The following WDR70 variants were observed in gnomAD, a reference collection of about 807,000 sequenced individuals.
The protein encoded by WDR70 is WD repeat domain 70, also known as WD repeat-containing protein 70.
A neutral mutation model predicts 88.6 loss-of-function variants in WDR70; 53 were observed. The observed-to-expected ratio is 0.60, with a 90% CI of 0.48 to 0.75. The LOEUF (loss-of-function observed/expected upper bound fraction) is 0.75. WDR70 is among the 30% of genes least tolerant of loss of function. WDR70 has a pLI of 0.00. For missense variants in WDR70, 610 were observed against 823.2 expected (o/e 0.74, Z 3.17); for synonymous variants, 280 against 270.0 (o/e 1.04, Z -0.36).
At chr5:37,604,663 T>C (rs1485102559) in intron 9 of WDR70, among the ~76,000 whole-genome samples, 2 of 152,242 alleles carry the variant, frequency 1.3e-5, no homozygotes, top group African/African-American at 4.8e-5. Context: ...TTCTGGTGTA[T>C]GTTAAAAACA....
intron 10 of WDR70, among the ~76,000 whole-genome samples, chr5:37,619,636 C>T (rs556962738): frequency 6.6e-6 from 1 of 152,192 alleles, no homozygotes; most frequent in Non-Finnish European, 1.5e-5. Context: ...TGTGTGCATT[C>T]TCTTTTAACC....
At chr5:37,714,850 A>G (rs1010056526) in intron 13 of WDR70, among the ~76,000 whole-genome samples, 3 of 152,214 alleles carry the variant, frequency 2.0e-5, no homozygotes, top group Admixed American at 1.3e-4. Context: ...GGGTTGGAGC[A>G]AACTTTTACT....
At chr5:37,516,072 T>C (rs934817619) in intron 8 of WDR70, among the ~76,000 whole-genome samples, 10 of 152,362 alleles carry the variant, frequency 6.6e-5, no homozygotes, top group South Asian at 2.1e-4. Flanking sequence ...TTAGGAAATA[T>C]GGATTTCCCT....
At chr5:37,622,251 G>T (rs1744528193) in intron 10 of WDR70, among the ~76,000 whole-genome samples, 1 of 152,056 alleles carries the variant, frequency 6.6e-6, no homozygotes, top group South Asian at 2.1e-4. Flanking sequence ...AACAGGTGCT[G>T]GAGAGGATGT....
At chr5:37,601,897 G>T (rs1743894095) in intron 9 of WDR70, among the ~76,000 whole-genome samples, 3 of 152,124 alleles carry the variant, frequency 2.0e-5, no homozygotes. Context: ...CCATAAAAAA[G>T]GATGAATTCA....
At chr5:37,715,274 C>T (rs1747621878) in intron 13 of WDR70, among the ~76,000 whole-genome samples, 1 of 151,100 alleles carries the variant, frequency 6.6e-6, no homozygotes, top group Non-Finnish European at 1.5e-5. Flanking sequence ...CCATTGCACT[C>T]CTATCTGGCC....
At chr5:37,393,135 C>T (rs1184146571) in intron 4 of WDR70, among the ~76,000 whole-genome samples, 2 of 152,102 alleles carry the variant, frequency 1.3e-5, no homozygotes, top group Non-Finnish European at 2.9e-5. Flanking sequence ...CTCCGCCTCC[C>T]GGGTTCAAGC....
intron 9 of WDR70, among the ~76,000 whole-genome samples, chr5:37,589,402 G>A (rs1326667544): frequency 1.3e-5 from 2 of 152,104 alleles, no homozygotes; most frequent in East Asian, 3.9e-4. Flanking sequence ...CAGCTTTTAA[G>A]TTGGTGAACA....
chr5:37,708,517 ATG>A (rs942474243), intron 13 of WDR70, among the ~76,000 whole-genome samples: 5 of 152,152 alleles, frequency 3.3e-5, no homozygotes, highest in African/African-American at 1.2e-4. Context: ...CTGGAAATGA[ATG>A]TGTTAGCACT....
chr5:37,726,446 G>A (rs1363437682), intron 16 of WDR70, among the ~76,000 whole-genome samples: 2 of 152,068 alleles, frequency 1.3e-5, no homozygotes, highest in Admixed American at 1.3e-4. Flanking sequence ...AGTATGTTTA[G>A]CTTATTTGTT....
intron 5 of WDR70, among the ~76,000 whole-genome samples, chr5:37,403,110 C>A (rs1318722590): frequency 6.6e-6 from 1 of 151,882 alleles, no homozygotes; most frequent in Non-Finnish European, 1.5e-5. Flanking sequence ...CCACGCCTGG[C>A]TAATTTTTTG....
intron 8 of WDR70, among the ~76,000 whole-genome samples, chr5:37,501,241 G>A (rs1303109761): frequency 6.6e-6 from 1 of 151,848 alleles, no homozygotes; most frequent in East Asian, 1.9e-4. Flanking sequence ...TTCTTTTGTT[G>A]TGCAGAAGCT....
chr5:37,418,351 G>A (rs1222105539), intron 5 of WDR70, among the ~76,000 whole-genome samples: 1 of 151,864 alleles, frequency 6.6e-6, no homozygotes, highest in Non-Finnish European at 1.5e-5. Context: ...ATGGAGTCTC[G>A]CTCTGTCGCC....
At chr5:37,497,287 T>TTCCCTTCCCTTC (rs1243902692) in intron 8 of WDR70, among the ~76,000 whole-genome samples, 2 of 143,612 alleles carry the variant, frequency 1.4e-5, no homozygotes, top group African/African-American at 2.6e-5. Flanking sequence ...TCCCTCCCTT[T>TTCCCTTCCCTTC]TCCCTTCCCT....
chr5:37,710,363 C>G (rs1215845384), intron 13 of WDR70, among the ~76,000 whole-genome samples: 1 of 151,908 alleles, frequency 6.6e-6, no homozygotes, highest in African/African-American at 2.4e-5. Flanking sequence ...ACACACACAC[C>G]CCCTCTTCCA....
intron 10 of WDR70, among the ~76,000 whole-genome samples, chr5:37,667,362 T>C (rs563887054): frequency 2.6e-5 from 4 of 152,222 alleles, no homozygotes; most frequent in Non-Finnish European, 5.9e-5. Flanking sequence ...AATTGGAAAA[T>C]GTATGTTTTA....
In WDR70 at chr5:37,724,701, A is replaced by G. The variant is rs535338929; in HGVS notation, c.1598-233A>G. ...GATGGGGAGCCTCACCGATGTTTCCATGACAATATTTGACAGTATTTCCTG... is the reference window on the plus strand; with the variant it reads ...GATGGGGAGCCTCACCGATGTTTCCGTGACAATATTTGACAGTATTTCCTG... On this transcript the variant is annotated intron_variant, in intron 15 of 17. Coordinates refer to ENST00000265107, the MANE Select transcript of WDR70 (RefSeq NM_018034.4). 4.6e-5 allele frequency: 21 copies of G among 461,286 alleles called. No individual in the cohort carries two copies. In the South Asian group the frequency reaches 5.5e-4, roughly 12 times the overall value. The allele number at this position is 461,286 out of a possible 1,614,324, so 28.6% of individuals were successfully genotyped here.
chr5:37,494,112 T>C (rs1281976779), intron 8 of WDR70, among the ~76,000 whole-genome samples: 1 of 152,148 alleles, frequency 6.6e-6, no homozygotes, highest in African/African-American at 2.4e-5. Flanking sequence ...AGCCACCACG[T>C]CTGGCTGGAG....
intron 9 of WDR70, among the ~76,000 whole-genome samples, chr5:37,532,148 C>T (rs1236704480): frequency 6.6e-6 from 1 of 152,160 alleles, no homozygotes; most frequent in Non-Finnish European, 1.5e-5. Flanking sequence ...AACAGGTTTT[C>T]CTTTATAGGT....
Sources: allele counts gnomAD v4.1 joint callset (sites outside exome capture counted in the v4.1 genomes callset), GRCh38; gene constraint gnomAD v4.1.1; transcripts MANE v1.5; gene names NCBI Gene and HGNC (gene_info 2026-07-23, HGNC 2026-07-21).